Variants in CFAP299 observed in about 807,000 individuals in gnomAD.
The protein encoded by CFAP299 is cilia and flagella associated protein 299, also known as cilia- and flagella-associated protein 299.
A neutral mutation model predicts 27.0 loss-of-function variants in CFAP299; 21 were observed. The observed-to-expected ratio is 0.78, with a 90% CI of 0.55 to 1.12. CFAP299 has a LOEUF of 1.12. Among genes scored for constraint, CFAP299 ranks in the 50% most tolerant of loss-of-function variants. The probability of loss-of-function intolerance (pLI) is 0.00; values close to 1 mark genes in which losing one functional copy is unlikely to be tolerated. For synonymous variants in CFAP299, 104 were observed against 98.1 expected (o/e 1.06, Z -0.36); for missense variants, 310 against 276.6 (o/e 1.12, Z -0.86).
intron 2 of CFAP299, among the ~76,000 whole-genome samples, chr4:80,551,726 A>G (rs1734521454): frequency 6.6e-6 from 1 of 151,872 alleles, no homozygotes; most frequent in Non-Finnish European, 1.5e-5. Context: ...TGTGTATAAA[A>G]GCTTTCCATG....
At chr4:80,781,634 G>T (rs999984442) in intron 3 of CFAP299, among the ~76,000 whole-genome samples, 15 of 151,914 alleles carry the variant, frequency 9.9e-5, no homozygotes, top group Non-Finnish European at 5.9e-5. Flanking sequence ...TCACTAACAA[G>T]GTTGTGCACT....
chr4:80,869,140 A>G (rs1250342468), intron 3 of CFAP299, among the ~76,000 whole-genome samples: 1 of 152,098 alleles, frequency 6.6e-6, no homozygotes, highest in Non-Finnish European at 1.5e-5. Context: ...TTTGTTTATA[A>G]TTTGTGCTGC....
At chr4:80,386,715 G>A in intron 2 of CFAP299, 1 of 1,566,858 alleles carries the variant, frequency 6.4e-7, no homozygotes, top group Non-Finnish European at 8.8e-7. Context: ...GCGCATTTGT[G>A]GAGCTTCATG....
chr4:80,473,607 G>A (rs1730122374), intron 2 of CFAP299, among the ~76,000 whole-genome samples: 1 of 151,814 alleles, frequency 6.6e-6, no homozygotes, highest in Non-Finnish European at 1.5e-5. Context: ...ATCTCACCTT[G>A]TTGCCCAAGC....
chr4:80,956,737 C>G (rs930386065), intron 5 of CFAP299, among the ~76,000 whole-genome samples: 1 of 152,034 alleles, frequency 6.6e-6, no homozygotes, highest in African/African-American at 2.4e-5. Context: ...CTTGAGCCAC[C>G]ATGCCCAATC....
intron 2 of CFAP299, among the ~76,000 whole-genome samples, chr4:80,560,299 T>A (rs1734977267): frequency 6.6e-6 from 1 of 151,834 alleles, no homozygotes; most frequent in African/African-American, 2.4e-5. Context: ...GGGCTCTGAA[T>A]ACCAGCAGTG....
chr4:80,375,990 AAT>A, intron 2 of CFAP299, among the ~76,000 whole-genome samples: 1 of 152,246 alleles, frequency 6.6e-6, no homozygotes. Flanking sequence ...TGTGTAATTC[AAT>A]GAGTTCTGAC....
chr4:80,860,826 G>A (rs191817168), intron 3 of CFAP299, among the ~76,000 whole-genome samples: 1 of 152,172 alleles, frequency 6.6e-6, no homozygotes, highest in Non-Finnish European at 1.5e-5. Flanking sequence ...CTACTGGGGG[G>A]TGCCTCCCAG....
At chr4:80,790,442 G>A (rs775840860) in intron 3 of CFAP299, 14 of 151,948 alleles carry the variant, frequency 9.2e-5, no homozygotes, top group Admixed American at 2.6e-4. Flanking sequence ...AAATTCATAC[G>A]TTGAAATCTT....
At chr4:80,355,007 A>G (rs955400765) in intron 1 of CFAP299, among the ~76,000 whole-genome samples, 1 of 152,196 alleles carries the variant, frequency 6.6e-6, no homozygotes, top group Admixed American at 6.5e-5. Context: ...TATTTATAAT[A>G]GAATGATTTA....
In CFAP299 at chr4:80,415,740, G is replaced by C. The variant is rs559277789; in HGVS notation, c.242+52856G>C. On this transcript the variant is annotated intron_variant, in intron 2 of 5. Transcript: ENST00000358105. ...AGTAAAAACAAACTAAAATCCCACT[G>C]TCCAATTTTAGACATTTGTGAGGAT... 2.0e-5 allele frequency among the ~76,000 whole-genome samples: 3 copies of C among 152,172 alleles called. No homozygotes were observed. The South Asian group carries it at 6.2e-4, about 32-fold the overall frequency.
chr4:80,627,381 G>T (rs1202180241), intron 3 of CFAP299, among the ~76,000 whole-genome samples: 3 of 151,840 alleles, frequency 2.0e-5, no homozygotes, highest in Non-Finnish European at 4.4e-5. Context: ...AAACCCCATA[G>T]CTAACTCAAT....
In CFAP299 at chr4:80,440,503, C is replaced by T. The variant is rs374426816; in HGVS notation, c.242+77619C>T. On this transcript the variant is annotated intron_variant, in intron 2 of 5. Coordinates refer to ENST00000358105, the MANE Select transcript of CFAP299 (RefSeq NM_152770.3). The stretch of plus-strand genomic sequence containing the variant: ...AAAGCTAACAAACAGAAATCAATAA[C>T]ATCAACATCAACAAAAAGGATGCCC... Among the ~76,000 whole-genome samples, 14 of 152,290 alleles carry T rather than the reference C, an allele frequency of 9.2e-5. No homozygotes were observed. In the East Asian group the frequency reaches 1.7e-3, roughly 19 times the overall value.
intron 3 of CFAP299, among the ~76,000 whole-genome samples, chr4:80,852,327 T>A (rs374022746): frequency 2.6e-5 from 4 of 152,174 alleles, no homozygotes; most frequent in Non-Finnish European, 1.5e-5. Flanking sequence ...ACTCTGGGGA[T>A]GGGACTCAGC....
chr4:80,423,554 C>T (rs1044895197), intron 2 of CFAP299, among the ~76,000 whole-genome samples: 1 of 152,184 alleles, frequency 6.6e-6, no homozygotes, highest in Admixed American at 6.5e-5. Context: ...CCAGTGACTC[C>T]TGCTCTCTGG....
intron 2 of CFAP299, among the ~76,000 whole-genome samples, chr4:80,465,729 G>T (rs543866869): frequency 6.6e-6 from 1 of 152,244 alleles, no homozygotes; most frequent in South Asian, 2.1e-4. Flanking sequence ...AAACCAAACA[G>T]ACCAAACACA....
chr4:80,775,664 A>T (rs1480378168), intron 3 of CFAP299, among the ~76,000 whole-genome samples: 2 of 152,156 alleles, frequency 1.3e-5, no homozygotes, highest in East Asian at 1.9e-4. Flanking sequence ...ATGAAAAAAA[A>T]ATCAGCCCAA....
intron 3 of CFAP299, among the ~76,000 whole-genome samples, chr4:80,737,921 T>C (rs972692435): frequency 5.3e-5 from 8 of 152,150 alleles, no homozygotes; most frequent in Non-Finnish European, 1.2e-4. Context: ...TTTTGGTATG[T>C]TGAGTTTTAA....
intron 3 of CFAP299, among the ~76,000 whole-genome samples, chr4:80,857,967 G>A (rs896242331): frequency 3.9e-4 from 60 of 152,112 alleles, no homozygotes; most frequent in Non-Finnish European, 7.4e-4. Context: ...GATTGGAATA[G>A]TTTCAGAAGG....
Sources: gnomAD v4.1 joint callset for allele counts (sites outside exome capture counted in the v4.1 genomes callset) on GRCh38, gnomAD v4.1.1 for gene constraint, MANE v1.5 for transcripts, NCBI Gene and HGNC (gene_info 2026-07-23, HGNC 2026-07-21) for gene names.